Variants in FBXW10 observed in about 807,000 individuals in gnomAD.
The protein encoded by FBXW10 is F-box/WD repeat-containing protein 10.
A neutral mutation model predicts 113.1 loss-of-function variants in FBXW10; 68 were observed. The observed-to-expected ratio is 0.60, with a 90% confidence interval of 0.49 to 0.74. The LOEUF (loss-of-function observed/expected upper bound fraction) is 0.74. FBXW10 is among the 30% of genes least tolerant of loss of function. FBXW10 has a pLI of 0.00. For missense variants in FBXW10, 753 were observed against 1,284.5 expected (o/e 0.59, Z 6.32); for synonymous variants, 289 against 481.6 (o/e 0.60, Z 5.24).
In FBXW10 at chr17:18,750,932, G is replaced by A. The variant is rs757740595; in HGVS notation, c.1001G>A (p.Gly334Glu). Residue 334 changes from glycine to glutamate, a missense_variant and splice_region_variant, in exon 5 of 14, where the codon GGG becomes GAG. Coordinates refer to ENST00000395665, the MANE Select transcript of FBXW10 (RefSeq NM_001267585.2). ...TTTTTATTTTTTGTCTTTTTCCAGG[G>A]GTCCTACACAAGAGGAATTGATCCT... is the stretch of plus-strand genomic sequence containing the variant. Reference protein sequence around the residue: ...FIQNQITFLQGSYTRGIDPNY... With the variant: ...FIQNQITFLQESYTRGIDPNY... 2 of 1,610,786 alleles carry A rather than the reference G, an allele frequency of 1.2e-6. No homozygotes were observed. Among genetic ancestry groups the A allele is most frequent in the Non-Finnish European group, 1.7e-6 (2 of 1,178,868 alleles).
chr17:18,772,304 C>T (rs1162987667), intron 11 of FBXW10, 108 bp from the exon 12 acceptor site: 1 of 1,066,038 alleles, frequency 9.4e-7, no homozygotes, highest in East Asian at 2.4e-5. Context: ...TGGTCATCAC[C>T]TGGGCACTGT....
chr17:18,776,918 G>C (rs73293113), intron 13 of FBXW10, among the ~76,000 whole-genome samples: 70,887 of 151,672 alleles, frequency 0.47, 16,807 homozygotes, highest in Non-Finnish European at 0.5. Context: ...CTTGGAAAGA[G>C]ATCCACAATA....
intron 7 of FBXW10, among the ~76,000 whole-genome samples, chr17:18,761,378 G>A (rs539809521): frequency 6.6e-6 from 1 of 151,202 alleles, no homozygotes; most frequent in East Asian, 1.9e-4. Flanking sequence ...CCATTCTCCT[G>A]CCTCAGCCTC....
chr17:18,761,969 C>CT (rs940176854), intron 7 of FBXW10, among the ~76,000 whole-genome samples: 64 of 146,294 alleles, frequency 4.4e-4, no homozygotes, highest in African/African-American at 6.5e-4. Flanking sequence ...TTTTCTTTTT[C>CT]TTTTTTTTTT....
rs761931712 is a variant in FBXW10, at chr17:18,750,973, G to C, written c.1042G>C (p.Val348Leu). Reference sequence around the variant, plus strand: ...AATTGATCCTAATTATGCCAATAAGGTTTCTATCCCAGTTCCTAAAATGGT... The same window carrying C: ...AATTGATCCTAATTATGCCAATAAGCTTTCTATCCCAGTTCCTAAAATGGT... ...RGIDPNYANK[V>L]SIPVPKMVDD... Residue 348 changes from valine (V) to leucine (L), a missense_variant, in exon 5 of 14, where the codon GTT becomes CTT. Coordinates refer to ENST00000395665, the MANE Select transcript of FBXW10 (RefSeq NM_001267585.2). 2 of 1,614,070 alleles carry C rather than the reference G, an allele frequency of 1.2e-6. No homozygotes were observed. The highest frequency in any genetic ancestry group is 1.7e-6 in the Non-Finnish European group (2 of 1,180,016).
chr17:18,744,341 G>T lies in FBXW10; in HGVS notation c.97G>T (p.Val33Phe). 6.2e-7 allele frequency: 1 copy of T among 1,613,788 alleles called. No individual in the cohort carries two copies. Among genetic ancestry groups the T allele is most frequent in the Non-Finnish European group, 8.5e-7 (1 of 1,179,856 alleles). ...TCTATGCCGGAAGTGTGAGACGTGT[G>T]TCTTAGCCTGGAAGATCTTCTCTAC... ...IPLCRKCETC[V>F]LAWKIFSTKE... is the part of the protein sequence containing the mutation. Residue 33 changes from valine (V) to phenylalanine (F), a missense_variant, in exon 1 of 14, where the codon GTC becomes TTC. Transcript: ENST00000395665.
At chr17:18,757,296 G>C (rs4924918) in intron 6 of FBXW10, among the ~76,000 whole-genome samples, 8,758 of 120,504 alleles carry the variant, frequency 0.073, no homozygotes, top group East Asian at 0.13. Context: ...CGATTCTCCT[G>C]CCTCAGTCTC....
chr17:18,776,965 G>A (rs553686294), intron 13 of FBXW10, among the ~76,000 whole-genome samples: 4 of 151,560 alleles, frequency 2.6e-5, no homozygotes, highest in East Asian at 3.9e-4. Flanking sequence ...AATAAACAAT[G>A]AGCTCATCAC....
chr17:18,745,715 G>C (rs1457112290), intron 1 of FBXW10, among the ~76,000 whole-genome samples: 1 of 152,144 alleles, frequency 6.6e-6, no homozygotes, highest in Non-Finnish European at 1.5e-5. Flanking sequence ...CACTCGACCA[G>C]GGATTCTGTA....
Position 18,772,496 on chromosome 17 carries a change from A to G in FBXW10, c.2091A>G (p.Gln697=). 6.2e-7 allele frequency: 1 copy of G among 1,614,120 alleles called. No individual in the cohort carries two copies. Among genetic ancestry groups the G allele is most frequent in the Non-Finnish European group, 8.5e-7 (1 of 1,179,930 alleles). The change falls in exon 12 of 14, where the codon CAA becomes CAG. Residue 697 remains glutamine (Q), a synonymous_variant. Coordinates refer to ENST00000395665, the MANE Select transcript of FBXW10 (RefSeq NM_001267585.2). ...KWQYAVEKTK[Q]KKNKEKEEEK... is the part of the protein sequence containing the mutation. ...AGTATGCCGTGGAAAAAACGAAACA[A>G]AAGAAGAATAAGGAGAAAGAGGAGG...
rs567161168 is a variant in FBXW10, at chr17:18,755,533, C to T, written c.1123-512C>T. Among the ~76,000 whole-genome samples the T allele has an allele frequency of 8.7e-3, 1,260 of 144,302 alleles. 13 individuals carry two copies. The highest frequency in any genetic ancestry group is 0.03 in the African/African-American group (1,164 of 38,654). The allele number at this position is 144,302 out of a possible 152,430, so 94.7% of individuals were successfully genotyped here. On this transcript the variant is annotated intron_variant, in intron 5 of 13. Transcript: ENST00000395665. ...ATCGCACCACTACACTCCAGCCTGG[C>T]GACAGAGCGAGACTCCGTCTGAAAA...
chr17:18,772,167 G>A (rs541486961), intron 11 of FBXW10, among the ~76,000 whole-genome samples: 7 of 152,098 alleles, frequency 4.6e-5, no homozygotes, highest in South Asian at 2.1e-4. Context: ...TGAAACAATC[G>A]GAACATATGT....
At position 18,749,911 on chromosome 17, in the gene FBXW10, A is replaced by T. The variant is rs1311517858; in HGVS notation, c.860A>T (p.Lys287Met). Residue 287 changes from lysine (K) to methionine (M), a missense_variant, in exon 3 of 14, where the codon AAG becomes ATG. Transcript: ENST00000395665. ...CGTTACCTGCCCATCCACCTCTCCA[A>T]GTACATTCTAAGTATGCTGGGGTGT... ...FIRYLPIHLS[K>M]YILRMLDRHT... 5.0e-6 allele frequency: 8 copies of T among 1,613,808 alleles called. No homozygotes were observed. Among genetic ancestry groups the T allele is most frequent in the Non-Finnish European group, 6.8e-6 (8 of 1,179,924 alleles).
chr17:18,776,024 A>AAG lies in FBXW10; in HGVS notation c.2335+833_2335+834insGA, dbSNP rs1197421066. ...AGACCTTGCCTCTTAAAGAAAAGAA[A>AAG]AAAAAAAAAAGTGGCCGGGCGCGGT... On this transcript the variant is annotated intron_variant, in intron 13 of 13. Transcript: ENST00000395665. Among the ~76,000 whole-genome samples, 16 of 151,576 alleles carry AAG rather than the reference A, an allele frequency of 1.1e-4. No individual in the cohort carries two copies. In the South Asian group the frequency reaches 3.3e-3, roughly 32 times the overall value.
intron 13 of FBXW10, 150 bp downstream of exon 13, chr17:18,775,342 CT>C: frequency 1.6e-6 from 1 of 614,998 alleles, no homozygotes; most frequent in Non-Finnish European, 2.9e-6. Flanking sequence ...TTCTCTCACT[CT>C]AGTTTCGTAT....
chr17:18,766,022 C>T (rs1209083140), intron 8 of FBXW10, among the ~76,000 whole-genome samples: 2 of 151,980 alleles, frequency 1.3e-5, no homozygotes, highest in African/African-American at 4.8e-5. Context: ...CCACTGGGCC[C>T]GGCATTAACT....
intron 13 of FBXW10, among the ~76,000 whole-genome samples, chr17:18,775,689 G>A (rs1303321337): frequency 6.6e-6 from 1 of 152,196 alleles, no homozygotes; most frequent in African/African-American, 2.4e-5. Flanking sequence ...ATATATGTGA[G>A]ATAAAGAGAT....
chr17:18,750,375 GAGAC>G (rs1267691344), intron 4 of FBXW10, among the ~76,000 whole-genome samples: 2 of 152,090 alleles, frequency 1.3e-5, no homozygotes, highest in Non-Finnish European at 2.9e-5. Flanking sequence ...CAGGAGCAGA[GAGAC>G]AGAGCCTTTC....
At chr17:18,750,818 C>G (rs2035152454) in intron 4 of FBXW10, 113 bp from the exon 5 acceptor site, 1 of 1,289,558 alleles carries the variant, frequency 7.8e-7, no homozygotes, top group African/African-American at 1.5e-5. Flanking sequence ...CAGGGCTTAC[C>G]CATCCTTCAC....
Sources: allele counts gnomAD v4.1 joint callset (sites outside exome capture counted in the v4.1 genomes callset), GRCh38; gene constraint gnomAD v4.1.1; transcripts MANE v1.5; gene names NCBI Gene and HGNC (gene_info 2026-07-23, HGNC 2026-07-21).